MSRA: variants seen among roughly 807,000 people sequenced by gnomAD.
MSRA encodes methionine sulfoxide reductase A, also known as mitochondrial peptide methionine sulfoxide reductase.
MSRA carries 54 observed loss-of-function variants against 31.3 expected under a neutral mutation model. That is an observed-to-expected ratio of 1.73 (90% CI 1.39 to 2.17). The LOEUF (loss-of-function observed/expected upper bound fraction) is 2.17, where lower values mean the gene tolerates loss of function less well. Ranked by LOEUF, MSRA falls within the 30% of genes most tolerant of loss-of-function variation. The probability of loss-of-function intolerance (pLI) is 0.00; values close to 1 mark genes in which losing one functional copy is unlikely to be tolerated. For synonymous variants in MSRA, 169 were observed against 116.5 expected, an observed-to-expected ratio of 1.45 and a Z score of -2.90; for missense variants, 507 against 300.9, an observed-to-expected ratio of 1.69 and a Z score of -5.07.
intron 5 of MSRA, among the ~76,000 whole-genome samples, chr8:10,330,495 C>A (rs1354988828): frequency 1.3e-5 from 2 of 152,184 alleles, no homozygotes; most frequent in African/African-American, 4.8e-5. Flanking sequence ...CCATGTTCCT[C>A]AGTAAATTAA....
At chr8:10,153,585 C>CT (rs965919165) in intron 1 of MSRA, among the ~76,000 whole-genome samples, 1 of 152,100 alleles carries the variant, frequency 6.6e-6, no homozygotes, top group African/African-American at 2.4e-5. Context: ...ATACACTGAT[C>CT]TTTTTTTGGT....
Position 10,116,399 on chromosome 8 carries a change from C to T in MSRA, c.142+61741C>T, listed in dbSNP as rs533090090. On this transcript the variant is annotated intron_variant, in intron 1 of 5. Transcript: ENST00000317173. ...GTATTAATGCATCACATAGTTCATT[C>T]TTTTCACATAGTGAGTAAAAAGTAA... Among the ~76,000 whole-genome samples the T allele has an allele frequency of 4.6e-5, 7 of 152,308 alleles. No homozygotes were observed. In the South Asian group the frequency reaches 1.2e-3, roughly 27 times the overall value.
Position 10,370,798 on chromosome 8 carries a change from G to A in MSRA, c.543+50809G>A, listed in dbSNP as rs12335068. Among the ~76,000 whole-genome samples the A allele has an allele frequency of 1.4e-4, 22 of 152,338 alleles. 1 individual carries two copies. Among genetic ancestry groups the A allele is most frequent in the African/African-American group, 4.8e-4 (20 of 41,574 alleles). On this transcript the variant is annotated intron_variant, in intron 5 of 5. Transcript: ENST00000317173. ...ATTCACTGAAGAGGTCCTGTGGGTC[G>A]GCTCCTGGCTGGCCATGTGGATTTG...
intron 1 of MSRA, among the ~76,000 whole-genome samples, chr8:10,193,598 T>C (rs1807719934): frequency 6.6e-6 from 1 of 152,176 alleles, no homozygotes; most frequent in African/African-American, 2.4e-5. Flanking sequence ...CACTACCATC[T>C]CCACTGACTT....
At chr8:10,350,451 C>T in intron 5 of MSRA, among the ~76,000 whole-genome samples, 1 of 152,216 alleles carries the variant, frequency 6.6e-6, no homozygotes, top group Non-Finnish European at 1.5e-5. Context: ...TTAGATCTGA[C>T]ACTGTGGATG....
At chr8:10,292,363 A>G (rs1180682739) in intron 3 of MSRA, among the ~76,000 whole-genome samples, 1 of 152,224 alleles carries the variant, frequency 6.6e-6, no homozygotes, top group Non-Finnish European at 1.5e-5. Flanking sequence ...CCTACAGAGG[A>G]GAGCCACTGT....
At chr8:10,062,506 A>T (rs1408696612) in intron 1 of MSRA, among the ~76,000 whole-genome samples, 3 of 152,218 alleles carry the variant, frequency 2.0e-5, no homozygotes, top group Non-Finnish European at 4.4e-5. Flanking sequence ...CAGTAAGCTG[A>T]TGATAAATAC....
intron 2 of MSRA, among the ~76,000 whole-genome samples, chr8:10,243,222 A>G (rs1411142359): frequency 6.6e-6 from 1 of 152,064 alleles, no homozygotes; most frequent in Non-Finnish European, 1.5e-5. Flanking sequence ...CAGCACAGAA[A>G]TATTTTATTC....
At chr8:10,232,847 T>C (rs917913426) in intron 2 of MSRA, among the ~76,000 whole-genome samples, 2 of 152,234 alleles carry the variant, frequency 1.3e-5, no homozygotes, top group African/African-American at 2.4e-5. Flanking sequence ...GTAATGATTG[T>C]GTCAAAAATG....
intron 3 of MSRA, among the ~76,000 whole-genome samples, chr8:10,284,258 G>A (rs1453471021): frequency 6.6e-6 from 1 of 151,962 alleles, no homozygotes. Flanking sequence ...GCACAATCTC[G>A]GCTCACTGCA....
chr8:10,140,467 G>A (rs1267534427), intron 1 of MSRA, among the ~76,000 whole-genome samples: 5 of 152,074 alleles, frequency 3.3e-5, no homozygotes, highest in Admixed American at 2.6e-4. Flanking sequence ...TCAGGCATTT[G>A]CCATAAATGT....
intron 3 of MSRA, among the ~76,000 whole-genome samples, chr8:10,287,191 T>C (rs1200461414): frequency 6.6e-6 from 1 of 152,180 alleles, no homozygotes; most frequent in Admixed American, 6.5e-5. Context: ...TACGAAGTCA[T>C]TGGTAGCAAT....
intron 5 of MSRA, among the ~76,000 whole-genome samples, chr8:10,421,567 A>G (rs1029909996): frequency 1.3e-5 from 2 of 151,778 alleles, no homozygotes; most frequent in African/African-American, 4.8e-5. Context: ...GGTGATCCTA[A>G]TCGTAAGCTT....
intron 1 of MSRA, among the ~76,000 whole-genome samples, chr8:10,193,633 G>A (rs1000370651): frequency 6.2e-4 from 95 of 152,206 alleles, no homozygotes; most frequent in African/African-American, 2.1e-3. Flanking sequence ...GTTCTATTTC[G>A]CCTCCATCTT....
rs778825765 is a variant in MSRA, at chr8:10,295,733, GTACT to G, written c.332-5800_332-5797del. Among the ~76,000 whole-genome samples, 756 of 152,308 alleles carry G rather than the reference GTACT, an allele frequency of 5.0e-3. 4 individuals are homozygous for G. Among genetic ancestry groups the G allele is most frequent in the Non-Finnish European group, 6.7e-3 (453 of 68,028 alleles). On this transcript the variant is annotated intron_variant, in intron 3 of 5. Transcript: ENST00000317173. ...TGGCACCCCCTGGAGAGGTGGACTT[GTACT>G]CTGGATCTGCAGCCCAGGCAGCAGT...
intron 1 of MSRA, among the ~76,000 whole-genome samples, chr8:10,071,935 A>T (rs938728628): frequency 2.6e-5 from 4 of 152,188 alleles, no homozygotes; most frequent in African/African-American, 9.6e-5. Context: ...ACAGAGCAAG[A>T]TCAGTTTCAG....
intron 5 of MSRA, chr8:10,337,659 C>T: frequency 1.4e-6 from 1 of 695,444 alleles, no homozygotes; most frequent in Non-Finnish European, 2.6e-6. Context: ...ATAGTGTCAT[C>T]CGGTGAATGA....
At chr8:10,269,173 A>G (rs1172062245) in intron 3 of MSRA, among the ~76,000 whole-genome samples, 1 of 152,246 alleles carries the variant, frequency 6.6e-6, no homozygotes, top group Non-Finnish European at 1.5e-5. Context: ...ATAATGGGCA[A>G]GAGTAGAATT....
chr8:10,342,862 C>G (rs959642702), intron 5 of MSRA, among the ~76,000 whole-genome samples: 1 of 152,216 alleles, frequency 6.6e-6, no homozygotes, highest in Admixed American at 6.5e-5. Flanking sequence ...CCAATCCCAG[C>G]TCTGCCACTG....
Sources: gnomAD v4.1 joint callset for allele counts (sites outside exome capture counted in the v4.1 genomes callset) on GRCh38, gnomAD v4.1.1 for gene constraint, MANE v1.5 for transcripts, NCBI Gene and HGNC (gene_info 2026-07-23, HGNC 2026-07-21) for gene names.